TAOK1: variants seen among roughly 807,000 people sequenced by gnomAD.
TAOK1 encodes TAO kinase 1.
A neutral mutation model predicts 138.3 loss-of-function variants in TAOK1; 21 were observed. The ratio of observed to expected loss-of-function variants is 0.15; its 90% confidence interval spans 0.11 to 0.22. TAOK1 has a LOEUF of 0.22. Among genes scored for constraint, TAOK1 ranks in the 10% least tolerant of loss-of-function variants. The probability of loss-of-function intolerance (pLI) is 1.00; values close to 1 mark genes in which losing one functional copy is unlikely to be tolerated. For missense variants in TAOK1, 651 were observed against 1,227.7 expected (o/e 0.53, Z 7.02); for synonymous variants, 361 against 398.4 (o/e 0.91, Z 1.12).
chr17:29,423,151 G>T (rs1288160506), intron 1 of TAOK1, among the ~76,000 whole-genome samples: 6 of 102,086 alleles, frequency 5.9e-5, no homozygotes, highest in South Asian at 2.9e-4. Flanking sequence ...TATTTAATTT[G>T]CTCTTCCTTT....
chr17:29,503,450 G>T (rs192135650), intron 13 of TAOK1, among the ~76,000 whole-genome samples: 1 of 151,410 alleles, frequency 6.6e-6, no homozygotes, highest in Admixed American at 6.6e-5. Flanking sequence ...ATTATGTGGG[G>T]CTCACCAGAA....
At chr17:29,472,314 A>G (rs1468240380) in intron 3 of TAOK1, among the ~76,000 whole-genome samples, 1 of 147,768 alleles carries the variant, frequency 6.8e-6, no homozygotes, top group African/African-American at 2.5e-5. Context: ...GTGCAATGGC[A>G]TGATCTCGGC....
chr17:29,443,614 T>C (rs757931569), intron 1 of TAOK1, among the ~76,000 whole-genome samples: 100 of 152,166 alleles, frequency 6.6e-4, no homozygotes, highest in Admixed American at 1.1e-3. Flanking sequence ...AGGAATAAAT[T>C]AGATCTCATT....
chr17:29,520,655 T>C (rs564141773), intron 16 of TAOK1, among the ~76,000 whole-genome samples: 9 of 151,668 alleles, frequency 5.9e-5, no homozygotes, highest in South Asian at 4.2e-4. Context: ...CCTCAGATGA[T>C]CCGCCTGTCT....
chr17:29,529,230 C>T (rs1403680521), intron 17 of TAOK1, among the ~76,000 whole-genome samples: 2 of 152,120 alleles, frequency 1.3e-5, no homozygotes, highest in Non-Finnish European at 2.9e-5. Context: ...GCCTTGGCCT[C>T]CCAAAGTACT....
chr17:29,479,490 CAT>C (rs2031014728), intron 6 of TAOK1, among the ~76,000 whole-genome samples: 1 of 152,020 alleles, frequency 6.6e-6, no homozygotes, highest in African/African-American at 2.4e-5. Flanking sequence ...CATTTTTTAA[CAT>C]GAGGATAAGA....
intron 1 of TAOK1, among the ~76,000 whole-genome samples, chr17:29,434,062 A>G (rs1244837524): frequency 6.6e-6 from 1 of 152,150 alleles, no homozygotes; most frequent in African/African-American, 2.4e-5. Flanking sequence ...AAAACGAAAC[A>G]AGGGGCGGGG....
At chr17:29,426,126 T>C (rs1453316560) in intron 1 of TAOK1, among the ~76,000 whole-genome samples, 6 of 152,092 alleles carry the variant, frequency 3.9e-5, no homozygotes, top group East Asian at 1.9e-4. Context: ...GTGATCCACC[T>C]GCCTCAGCCT....
At chr17:29,426,473 C>T (rs754695618) in intron 1 of TAOK1, among the ~76,000 whole-genome samples, 1 of 152,008 alleles carries the variant, frequency 6.6e-6, no homozygotes, top group Non-Finnish European at 1.5e-5. Flanking sequence ...GAGATAGTTG[C>T]TGAGCCAAAG....
At chr17:29,467,279 T>C in intron 3 of TAOK1, 63 bp downstream of exon 3, 2 of 1,096,850 alleles carry the variant, frequency 1.8e-6, no homozygotes, top group African/African-American at 1.6e-5. Flanking sequence ...ATATATACAT[T>C]CTTTTTTTTT....
chr17:29,530,742 G>T, intron 18 of TAOK1, 123 bp downstream of exon 18: 4 of 786,036 alleles, frequency 5.1e-6, no homozygotes, highest in South Asian at 3.4e-5. Flanking sequence ...TGGGAAATGT[G>T]GTGGTGGTTC....
chr17:29,516,801 C>T (rs2031824100), intron 15 of TAOK1, among the ~76,000 whole-genome samples: 1 of 151,452 alleles, frequency 6.6e-6, no homozygotes, highest in Non-Finnish European at 1.5e-5. Context: ...GCACCCGACC[C>T]CTGTTTTTTT....
At chr17:29,486,979 T>C (rs1160486466) in intron 8 of TAOK1, among the ~76,000 whole-genome samples, 1 of 152,142 alleles carries the variant, frequency 6.6e-6, no homozygotes, top group East Asian at 1.9e-4. Context: ...CCAGTTGCTG[T>C]GGCTCATGCC....
intron 5 of TAOK1, 134 bp from the exon 6 acceptor site, chr17:29,478,117 A>T: frequency 1.7e-6 from 1 of 604,186 alleles, no homozygotes; most frequent in Non-Finnish European, 2.7e-6. Flanking sequence ...TATAAAGTTT[A>T]ATAATCTTTA....
chr17:29,508,246 G>A, intron 14 of TAOK1, 114 bp downstream of exon 14: 1 of 838,514 alleles, frequency 1.2e-6, no homozygotes, highest in African/African-American at 1.7e-5. Context: ...GCAAATTGGG[G>A]AAAAGGAGAA....
rs189976614 is a variant in TAOK1 at position 29,507,304 on chromosome 17, G to C, written c.1339-592G>C. Among the ~76,000 whole-genome samples the C allele has an allele frequency of 5.8e-4, 76 of 130,382 alleles. 2 individuals carry two copies. The East Asian group carries it at 0.017, about 28-fold the overall frequency. The allele number at this position is 130,382 out of a possible 152,430, so 85.5% of individuals were successfully genotyped here. A position where few individuals can be genotyped will look rare whatever the true frequency, so the allele number is the denominator to read the frequency against. On this transcript the variant is annotated intron_variant, in intron 13 of 19. Coordinates refer to ENST00000261716, the MANE Select transcript of TAOK1 (RefSeq NM_020791.4). ...TTTTTCTTTGTAGTCAGTGTTTTTT[G>C]TGTCCTGCCCAAGAAGTATTTGCTT...
intron 1 of TAOK1, among the ~76,000 whole-genome samples, chr17:29,412,255 T>TCC (rs1483852072): frequency 7.2e-5 from 11 of 151,998 alleles, no homozygotes; most frequent in Non-Finnish European, 1.5e-4. Flanking sequence ...GTTGACCAGG[T>TCC]TGGTCTCGAA....
intron 13 of TAOK1, among the ~76,000 whole-genome samples, chr17:29,506,422 C>T (rs2031630726): frequency 6.6e-6 from 1 of 152,054 alleles, no homozygotes. Flanking sequence ...AAGTTGAACT[C>T]ATAGAATAGA....
chr17:29,484,387 T>A (rs1372992143), intron 8 of TAOK1, among the ~76,000 whole-genome samples: 4 of 152,218 alleles, frequency 2.6e-5, no homozygotes, highest in Non-Finnish European at 5.9e-5. Flanking sequence ...TAAGCCTGAT[T>A]ATGGTTCTAG....
Sources: gnomAD v4.1 joint callset for allele counts (sites outside exome capture counted in the v4.1 genomes callset) on GRCh38, gnomAD v4.1.1 for gene constraint, MANE v1.5 for transcripts, NCBI Gene and HGNC (gene_info 2026-07-23, HGNC 2026-07-21) for gene names.